MAP3K5: variants seen among roughly 807,000 people sequenced by gnomAD.
The protein encoded by MAP3K5 is ASK-1.
MAP3K5 carries 56 observed loss-of-function variants against 158.7 expected under a neutral mutation model. The ratio of observed to expected loss-of-function variants is 0.35; its 90% CI spans 0.28 to 0.44. The LOEUF (loss-of-function observed/expected upper bound fraction) is 0.44, where lower values mean the gene tolerates loss of function less well. Ranked by LOEUF, MAP3K5 falls within the 20% of genes least tolerant of loss-of-function variation. MAP3K5 has a pLI of 1.00. For synonymous variants in MAP3K5, 579 were observed against 601.7 expected (o/e 0.96, Z 0.55); for missense variants, 1,294 against 1,674.8 (o/e 0.77, Z 3.97).
chr6:136,711,087 G>A (rs894552055), intron 2 of MAP3K5, among the ~76,000 whole-genome samples: 7 of 152,026 alleles, frequency 4.6e-5, no homozygotes, highest in Non-Finnish European at 1.0e-4. Context: ...GTGTCATAGA[G>A]CCGTGACACA....
chr6:136,656,571 G>T, intron 9 of MAP3K5, 111 bp from the exon 10 acceptor site: 2 of 646,700 alleles, frequency 3.1e-6, no homozygotes, highest in South Asian at 4.4e-5. Context: ...TAATAGTTAT[G>T]CATTCAGATT....
intron 18 of MAP3K5, among the ~76,000 whole-genome samples, chr6:136,608,110 C>T (rs1776178133): frequency 6.6e-6 from 1 of 152,134 alleles, no homozygotes; most frequent in Admixed American, 6.5e-5. Flanking sequence ...TGATGGGACC[C>T]TGCCTGCTGT....
At chr6:136,728,688 C>T (rs180946338) in intron 1 of MAP3K5, among the ~76,000 whole-genome samples, 21 of 152,302 alleles carry the variant, frequency 1.4e-4, no homozygotes, top group African/African-American at 4.8e-4. Context: ...CATGGTGATT[C>T]AAACATAAAT....
chr6:136,772,440 T>C (rs1304267423), intron 1 of MAP3K5, among the ~76,000 whole-genome samples: 1 of 151,560 alleles, frequency 6.6e-6, no homozygotes, highest in African/African-American at 2.4e-5. Context: ...CATTCCAAGA[T>C]GTGCAGTAAA....
At chr6:136,708,853 T>A (rs1001325922) in intron 2 of MAP3K5, among the ~76,000 whole-genome samples, 1 of 152,080 alleles carries the variant, frequency 6.6e-6, no homozygotes, top group Non-Finnish European at 1.5e-5. Flanking sequence ...CTCTCCAGAG[T>A]AGCAAACCAT....
At chr6:136,661,066 T>C (rs962760777) in intron 8 of MAP3K5, among the ~76,000 whole-genome samples, 2 of 152,200 alleles carry the variant, frequency 1.3e-5, no homozygotes, top group Admixed American at 1.3e-4. Flanking sequence ...ATTAGTTGAG[T>C]TAAATAAAAT....
At chr6:136,650,848 C>A in intron 11 of MAP3K5, 136 bp downstream of exon 11, 1 of 488,772 alleles carries the variant, frequency 2.0e-6, no homozygotes, top group Non-Finnish European at 3.7e-6. Flanking sequence ...ATACGGAATG[C>A]ATTTATGCCA....
intron 8 of MAP3K5, among the ~76,000 whole-genome samples, chr6:136,664,719 C>T (rs1009530119): frequency 2.0e-5 from 3 of 152,086 alleles, no homozygotes; most frequent in Non-Finnish European, 4.4e-5. Context: ...TCACTTGAGG[C>T]CAGGAGTTCA....
At chr6:136,688,763 A>G (rs547225044) in intron 7 of MAP3K5, among the ~76,000 whole-genome samples, 1 of 152,362 alleles carries the variant, frequency 6.6e-6, no homozygotes, top group East Asian at 1.9e-4. Flanking sequence ...ATCCTTGTAC[A>G]CAATGCATTC....
chr6:136,733,114 C>T (rs1401150337), intron 1 of MAP3K5, among the ~76,000 whole-genome samples: 1 of 152,202 alleles, frequency 6.6e-6, no homozygotes, highest in Admixed American at 6.5e-5. Context: ...ATCCTCCCAC[C>T]TCAGTTCTCA....
At position 136,571,627 on chromosome 6, in the gene MAP3K5, C is replaced by G. The variant is rs186684340; in HGVS notation, c.3518-3753G>C. Among the ~76,000 whole-genome samples the G allele has an allele frequency of 3.9e-5, 6 of 152,302 alleles. No individual in the cohort carries two copies. In the East Asian group the frequency reaches 1.2e-3, roughly 29 times the overall value. On this transcript the variant is annotated intron_variant, in intron 25 of 29. Coordinates refer to ENST00000359015, the MANE Select transcript of MAP3K5 (RefSeq NM_005923.4). ...AATAATATTCCATTATATGTATACA[C>G]CACATTTTGTTTATCCATTCATCTG...
In MAP3K5 at chr6:136,567,849, T is replaced by A. The variant is rs1250319185; in HGVS notation, c.3543A>T (p.Ala1181=). 4 of 1,614,048 alleles carry A rather than the reference T, an allele frequency of 2.5e-6. No individual in the cohort carries two copies. The East Asian group carries it at 8.9e-5, about 36-fold the overall frequency. ...VPELRPHFSL[A]SESDTADQED... The stretch of plus-strand genomic sequence containing the variant: ...CTTGATCAGCAGTATCACTCTCAGA[T>A]GCAAGGCTGAAATGTGGCCTTAGTT... The change falls in exon 26 of 30, where the codon GCA becomes GCT. Residue 1181 remains alanine (A), a synonymous_variant. Transcript: ENST00000359015.
intron 2 of MAP3K5, among the ~76,000 whole-genome samples, chr6:136,714,093 A>T (rs187493179): frequency 2.0e-5 from 3 of 152,344 alleles, no homozygotes. Context: ...GCTAAAACCA[A>T]ATTCATCTTA....
At chr6:136,764,701 A>G (rs1783889519) in intron 1 of MAP3K5, among the ~76,000 whole-genome samples, 2 of 152,314 alleles carry the variant, frequency 1.3e-5, no homozygotes, top group Middle Eastern at 3.4e-3. Flanking sequence ...CAAAATCACA[A>G]GTCCACACTG....
At chr6:136,693,065 AC>A (rs375383286) in intron 7 of MAP3K5, among the ~76,000 whole-genome samples, 84 of 152,292 alleles carry the variant, frequency 5.5e-4, no homozygotes, top group Middle Eastern at 3.4e-3. Flanking sequence ...TATTTAACTC[AC>A]TTAGATTTCA....
intron 1 of MAP3K5, among the ~76,000 whole-genome samples, chr6:136,750,466 T>C (rs1466284488): frequency 6.6e-6 from 1 of 152,204 alleles, no homozygotes; most frequent in Non-Finnish European, 1.5e-5. Flanking sequence ...CCTCTTCTCA[T>C]GCCAGTGAGG....
chr6:136,586,230 T>A (rs1158623487), intron 23 of MAP3K5, among the ~76,000 whole-genome samples: 2 of 152,216 alleles, frequency 1.3e-5, no homozygotes, highest in African/African-American at 4.8e-5. Context: ...CATAACATCA[T>A]GAAAACATGT....
intron 7 of MAP3K5, among the ~76,000 whole-genome samples, chr6:136,692,528 A>C (rs1780431103): frequency 6.6e-6 from 1 of 152,206 alleles, no homozygotes; most frequent in African/African-American, 2.4e-5. Flanking sequence ...TCCAAGGATG[A>C]AAACCTTTCC....
chr6:136,757,775 G>A (rs1318705590), intron 1 of MAP3K5, among the ~76,000 whole-genome samples: 1 of 151,696 alleles, frequency 6.6e-6, no homozygotes, highest in East Asian at 1.9e-4. Flanking sequence ...AGTAGAGATG[G>A]GGTTTCACCT....
Sources: gnomAD v4.1 joint callset for allele counts (sites outside exome capture counted in the v4.1 genomes callset) on GRCh38, gnomAD v4.1.1 for gene constraint, MANE v1.5 for transcripts, NCBI Gene and HGNC (gene_info 2026-07-23, HGNC 2026-07-21) for gene names.